The following TOP2B variants were observed in gnomAD, a reference collection of about 807,000 sequenced individuals.
TOP2B encodes DNA topoisomerase II beta.
A neutral mutation model predicts 193.5 loss-of-function variants in TOP2B; 51 were observed. The observed-to-expected ratio is 0.26, with a 90% CI of 0.21 to 0.33. TOP2B has a LOEUF of 0.33. Ranked by LOEUF, TOP2B falls within the 10% of genes least tolerant of loss-of-function variation. The pLI is 1.00. For missense variants in TOP2B, 1,378 were observed against 1,909.3 expected (o/e 0.72, Z 5.19); for synonymous variants, 634 against 635.7 (o/e 1.00, Z 0.04).
At position 25,632,635 on chromosome 3, in the gene TOP2B, T is replaced by A. The variant is rs1702993778; in HGVS notation, c.1129-52A>T. Reference sequence around the variant, plus strand: ...AATATCAGAGCTGATATTTAGTAATTCAGTATATATATAATGCATATGTAT... The same window carrying A: ...AATATCAGAGCTGATATTTAGTAATACAGTATATATATAATGCATATGTAT... On this transcript the variant is annotated intron_variant, in intron 9 of 35. Transcript: ENST00000264331. 10 of 1,602,498 alleles carry A rather than the reference T, an allele frequency of 6.2e-6. No individual in the cohort carries two copies. The South Asian group carries it at 1.1e-4, about 18-fold the overall frequency.
At chr3:25,655,661 A>T (rs1416646357) in intron 1 of TOP2B, among the ~76,000 whole-genome samples, 1 of 152,254 alleles carries the variant, frequency 6.6e-6, no homozygotes, top group Non-Finnish European at 1.5e-5. Context: ...ATGGATTTTT[A>T]AAATGCGTAT....
intron 28 of TOP2B, 110 bp from the exon 29 acceptor site, chr3:25,609,822 A>G: frequency 4.4e-6 from 5 of 1,130,562 alleles, no homozygotes; most frequent in Non-Finnish European, 5.9e-6. Context: ...ATTTAAAAAC[A>G]GTGATTCTGA....
intron 30 of TOP2B, among the ~76,000 whole-genome samples, chr3:25,608,636 T>C (rs1702294118): frequency 6.6e-6 from 1 of 152,152 alleles, no homozygotes; most frequent in South Asian, 2.1e-4. Context: ...ATGTACAAAA[T>C]AGAAAACTCA....
chr3:25,609,233 T>C lies in TOP2B; in HGVS notation c.4043A>G (p.Glu1348Gly), dbSNP rs1315150677. ...DESKSESDLE[E>G]TEPVVIPRDS... ...TCTTGGAATAACCACAGGTTCTGTT[T>C]CTTCCAAATCACTTTCTGACTTGGA... Residue 1348 changes from glutamate (E) to glycine (G), a missense_variant, in exon 30 of 36, where the codon GAA (glutamate) becomes GGA (glycine). Physicochemically the swap from Glu to Gly is moderately conservative, Grantham distance 98. Coordinates refer to ENST00000264331, the MANE Select transcript of TOP2B (RefSeq NM_001330700.2). 3 of 1,608,406 alleles carry C rather than the reference T, an allele frequency of 1.9e-6. No individual in the cohort carries two copies. The highest frequency in any genetic ancestry group is 1.7e-4 in the Middle Eastern group (1 of 6,058).
At position 25,612,552 on chromosome 3, in the gene TOP2B, T is replaced by C. The variant is rs1702401837; in HGVS notation, c.3749A>G (p.Lys1250Arg). Reference sequence around the variant, plus strand: ...CAGCAACTTTTTGCTGGCATCTGCCTTCATAGCTGTAATTTCAGGAATTAT... The same window carrying C: ...CAGCAACTTTTTGCTGGCATCTGCCCTCATAGCTGTAATTTCAGGAATTAT... ...RRIIPEITAM[K>R]ADASKKLLKK... The change falls in exon 28 of 36, where the codon AAG becomes AGG. Residue 1250 changes from lysine to arginine, a missense_variant. This residue lies in a region of TOP2B where 556 missense variants were observed against 584.2 expected (regional missense o/e 0.95). Coordinates refer to ENST00000264331, the MANE Select transcript of TOP2B (RefSeq NM_001330700.2). The C allele has an allele frequency of 1.9e-6, 3 of 1,612,232 alleles. No homozygotes were observed. The highest frequency in any genetic ancestry group is 2.5e-6 in the Non-Finnish European group (3 of 1,179,254).
chr3:25,605,964 C>G, intron 32 of TOP2B, 79 bp downstream of exon 32: 1 of 775,996 alleles, frequency 1.3e-6, no homozygotes, highest in Non-Finnish European at 1.8e-6. Context: ...AAATCATGAC[C>G]TAACGATTTA....
intron 22 of TOP2B, 136 bp from the exon 23 acceptor site, chr3:25,620,198 C>T (rs1702622280): frequency 3.2e-6 from 2 of 629,840 alleles, no homozygotes; most frequent in Admixed American, 2.9e-5. Flanking sequence ...CATCTCCTAT[C>T]CAATCAGTAT....
chr3:25,605,963 C>T, intron 32 of TOP2B, 80 bp downstream of exon 32: 1 of 757,306 alleles, frequency 1.3e-6, no homozygotes, highest in Non-Finnish European at 1.9e-6. Context: ...TAAATCATGA[C>T]CTAACGATTT....
chr3:25,645,681 T>C (rs963798540), intron 1 of TOP2B, among the ~76,000 whole-genome samples: 1 of 152,216 alleles, frequency 6.6e-6, no homozygotes, highest in African/African-American at 2.4e-5. Context: ...AACGTGGGTA[T>C]AGTCACCAGA....
At chr3:25,648,635 T>C (rs142554499) in intron 1 of TOP2B, among the ~76,000 whole-genome samples, 1 of 152,032 alleles carries the variant, frequency 6.6e-6, no homozygotes, top group Non-Finnish European at 1.5e-5. Context: ...GGCAGGCAGA[T>C]CCCTTGAGCC....
At chr3:25,624,629 A>G in intron 19 of TOP2B, 53 bp downstream of exon 19, 1 of 1,596,902 alleles carries the variant, frequency 6.3e-7, no homozygotes, top group East Asian at 2.2e-5. Context: ...TGTAATTATC[A>G]TTCTTCAAGA....
At chr3:25,642,196 A>C (rs2125393156) in intron 4 of TOP2B, 126 bp downstream of exon 4, 1 of 517,374 alleles carries the variant, frequency 1.9e-6, no homozygotes, top group East Asian at 3.2e-5. Flanking sequence ...CAAAAATAAC[A>C]AAGTCTCAAA....
At chr3:25,604,358 C>A (rs1197343968) in intron 33 of TOP2B, among the ~76,000 whole-genome samples, 2 of 152,136 alleles carry the variant, frequency 1.3e-5, no homozygotes, top group Non-Finnish European at 2.9e-5. Context: ...AAGAGAGAAG[C>A]TGCATGACTC....
In TOP2B at chr3:25,624,285, G is replaced by C. The variant is rs377591763; in HGVS notation, c.2495+12C>G. On this transcript the variant is annotated intron_variant, in intron 20 of 35. Transcript: ENST00000264331. ...AATCAAACTTTATACCATTATATCA[G>C]CAAATATTTACCTTAACATTGTGAA... 3.1e-6 allele frequency: 5 copies of C among 1,612,784 alleles called. No individual in the cohort carries two copies. The African/African-American group carries it at 6.7e-5, about 22-fold the overall frequency.
chr3:25,645,208 C>A (rs1703381834), intron 2 of TOP2B, 92 bp downstream of exon 2: 1 of 1,206,726 alleles, frequency 8.3e-7, no homozygotes, highest in South Asian at 1.7e-5. Flanking sequence ...TACAAATTTC[C>A]AAAGCAAGTA....
intron 6 of TOP2B, 150 bp from the exon 7 acceptor site, chr3:25,636,298 CAA>C: frequency 8.7e-6 from 5 of 572,140 alleles, no homozygotes; most frequent in Non-Finnish European, 1.2e-5. Context: ...ATATTACAGA[CAA>C]AAAAAAATAG....
intron 3 of TOP2B, among the ~76,000 whole-genome samples, chr3:25,643,484 A>G (rs544469637): frequency 6.6e-6 from 1 of 152,342 alleles, no homozygotes; most frequent in African/African-American, 2.4e-5. Flanking sequence ...CATTGATTTC[A>G]TAGATGAAGA....
At position 25,633,850 on chromosome 3, in the gene TOP2B, T is replaced by A. The variant is rs373378738; in HGVS notation, c.1017A>T (p.Ala339=). ...FQQISFVNSI[A]TTKGGRHVDY... is the part of the protein sequence containing the mutation. ...TAATTTGCTTACTTACTTTTGTAGT[T>A]GCAATACTATTTACAAAGCTGATTT... The change falls in exon 8 of 36, where the codon GCA becomes GCT. Residue 339 remains alanine, a synonymous_variant. Coordinates refer to ENST00000264331, the MANE Select transcript of TOP2B (RefSeq NM_001330700.2). The A allele has an allele frequency of 1.2e-6, 2 of 1,610,088 alleles. No individual in the cohort carries two copies. Among genetic ancestry groups the A allele is most frequent in the Admixed American group, 1.7e-5 (1 of 59,408 alleles).
At chr3:25,621,787 G>C (rs57691873) in intron 21 of TOP2B, among the ~76,000 whole-genome samples, 42,471 of 151,810 alleles carry the variant, frequency 0.28, 6,031 homozygotes, top group East Asian at 0.31. Context: ...CCAGGAGTTC[G>C]AGACCAGCCT....
Sources: gnomAD v4.1 joint callset for allele counts (sites outside exome capture counted in the v4.1 genomes callset) on GRCh38, gnomAD v4.1.1 for gene constraint, gnomAD v4.1.1 regional missense constraint, MANE v1.5 for transcripts, NCBI Gene and HGNC (gene_info 2026-07-23, HGNC 2026-07-21) for gene names.